The following NAF1 variants were observed in gnomAD, a reference collection of about 807,000 sequenced individuals.
NAF1 encodes the protein H/ACA ribonucleoprotein complex non-core subunit NAF1.
NAF1 carries 11 observed loss-of-function variants against 40.6 expected under a neutral mutation model. The observed-to-expected ratio is 0.27, with a 90% CI of 0.17 to 0.45. NAF1 has a LOEUF of 0.45. NAF1 is among the 20% of genes least tolerant of loss of function. NAF1 has a pLI of 1.00. For synonymous variants in NAF1, 260 were observed against 228.5 expected (o/e 1.14, Z -1.24); for missense variants, 607 against 611.1 (o/e 0.99, Z 0.07).
chr4:163,138,137 T>C (rs1055285213), intron 5 of NAF1, among the ~76,000 whole-genome samples: 1 of 152,118 alleles, frequency 6.6e-6, no homozygotes, highest in African/African-American at 2.4e-5. Context: ...ATAAATGAGA[T>C]TCCCAGGAAT....
At chr4:163,145,028 T>C (rs1220611736) in intron 4 of NAF1, among the ~76,000 whole-genome samples, 1 of 152,200 alleles carries the variant, frequency 6.6e-6, no homozygotes, top group Non-Finnish European at 1.5e-5. Context: ...AGAACTGTAC[T>C]AGATACAATG....
chr4:163,137,253 G>A lies in NAF1; in HGVS notation c.879-3C>T, dbSNP rs770353562. On this transcript the variant is annotated splice_polypyrimidine_tract_variant and splice_region_variant and intron_variant, in intron 5 of 7. Transcript: ENST00000274054. ...ATGATGCATCTGATCCCTTATCCCT[G>A]AGTGGGGTGGGGATGGGAGTCAAAA... The A allele has an allele frequency of 1.9e-6, 3 of 1,606,004 alleles. No individual in the cohort carries two copies. The highest frequency in any genetic ancestry group is 2.2e-5 in the East Asian group (1 of 44,560).
intron 2 of NAF1, among the ~76,000 whole-genome samples, chr4:163,154,830 C>T (rs1731904581): frequency 6.6e-6 from 1 of 151,084 alleles, no homozygotes; most frequent in Admixed American, 6.6e-5. Context: ...GAGATCGCAC[C>T]ATTGCACTCC....
chr4:163,108,758 T>A (rs1359796747), downstream of NAF1: 5 of 152,206 alleles, frequency 3.3e-5, no homozygotes, highest in African/African-American at 1.2e-4. Context: ...CACTCTCTAA[T>A]GTATTCTATC....
Position 163,166,495 on chromosome 4 carries a change from G to A in NAF1, c.233C>T (p.Thr78Ile). The part of the protein sequence containing the change: ...QPVLNAVAAG[T>I]PAPQPQPPAE... ...CGGTGGCTGTGGCTGCGGCGCCGGGGTCCCGGCCGCGACGGCGTTCAGAAC... is the reference window on the plus strand; with the variant it reads ...CGGTGGCTGTGGCTGCGGCGCCGGGATCCCGGCCGCGACGGCGTTCAGAAC... The change falls in exon 1 of 8, where the codon ACC (threonine) becomes ATC (isoleucine). Residue 78 changes from threonine (T) to isoleucine (I), a missense_variant. Thr to Ile is a moderately conservative substitution (Grantham distance 89, BLOSUM62 -1). Coordinates refer to ENST00000274054, the MANE Select transcript of NAF1 (RefSeq NM_138386.3). The A allele has an allele frequency of 6.3e-7, 1 of 1,599,140 alleles. No homozygotes were observed. Among genetic ancestry groups the A allele is most frequent in the Non-Finnish European group, 8.5e-7 (1 of 1,172,778 alleles).
intron 2 of NAF1, among the ~76,000 whole-genome samples, chr4:163,161,459 C>T (rs886788858): frequency 4.6e-5 from 7 of 150,902 alleles, no homozygotes; most frequent in African/African-American, 1.7e-4. Context: ...GCGACAAGAG[C>T]GAAACTCTGT....
At chr4:163,110,459 G>A (rs62333252) in intron 2 of NAF1, among the ~76,000 whole-genome samples, 55,279 of 151,900 alleles carry the variant, frequency 0.36, 11,286 homozygotes, top group East Asian at 0.63. Flanking sequence ...GTAAGTATAG[G>A]AAAAATCATG....
chr4:163,132,822 A>G (rs1730921793), intron 7 of NAF1, among the ~76,000 whole-genome samples: 1 of 152,264 alleles, frequency 6.6e-6, no homozygotes, highest in African/African-American at 2.4e-5. Flanking sequence ...GGTAAAGGGA[A>G]TGCATGTTTA....
intron 2 of NAF1, among the ~76,000 whole-genome samples, chr4:163,160,637 G>A (rs947279173): frequency 6.6e-6 from 1 of 152,150 alleles, no homozygotes; most frequent in African/African-American, 2.4e-5. Context: ...AAGCATGCCT[G>A]AGTGACAATA....
chr4:163,137,050 C>A, intron 6 of NAF1, 149 bp downstream of exon 6: 1 of 834,268 alleles, frequency 1.2e-6, no homozygotes, highest in Non-Finnish European at 1.8e-6. Flanking sequence ...TCATCTAGGA[C>A]GGTGAGAGAA....
At chr4:163,151,428 A>G (rs1319287345) in intron 2 of NAF1, among the ~76,000 whole-genome samples, 1 of 151,880 alleles carries the variant, frequency 6.6e-6, no homozygotes, top group Non-Finnish European at 1.5e-5. Flanking sequence ...ATAAAAGTGC[A>G]GCAGTGATTG....
At chr4:163,138,371 T>C (rs1731135615) in intron 5 of NAF1, among the ~76,000 whole-genome samples, 1 of 152,126 alleles carries the variant, frequency 6.6e-6, no homozygotes, top group African/African-American at 2.4e-5. Context: ...CATCTCATGA[T>C]CTGGACTGCT....
chr4:163,104,970 C>T, the NAF1 span, among the ~76,000 whole-genome samples: 1 of 152,158 alleles, frequency 6.6e-6, no homozygotes, highest in Non-Finnish European at 1.5e-5. Context: ...CAAAACCAGT[C>T]GTTGAAATTT....
At chr4:163,108,618 A>C (rs1405264547), downstream of NAF1, among the ~76,000 whole-genome samples, 1 of 152,246 alleles carries the variant, frequency 6.6e-6, no homozygotes, top group Non-Finnish European at 1.5e-5. Context: ...AATCTTTACA[A>C]TTAAAATAAA....
intron 4 of NAF1, 86 bp from the exon 5 acceptor site, chr4:163,140,469 A>C: frequency 8.5e-7 from 1 of 1,172,392 alleles, no homozygotes; most frequent in Non-Finnish European, 1.2e-6. Flanking sequence ...AATCCCACTG[A>C]TAATTGCCAG....
At chr4:163,106,165 CATA>C (rs1307866317), downstream of NAF1, among the ~76,000 whole-genome samples, 1 of 152,080 alleles carries the variant, frequency 6.6e-6, no homozygotes, top group East Asian at 1.9e-4. Flanking sequence ...CAAACAAAGA[CATA>C]ATATTAACCT....
intron 2 of NAF1, among the ~76,000 whole-genome samples, chr4:163,151,100 A>T (rs1175022787): frequency 6.6e-6 from 1 of 150,612 alleles, no homozygotes; most frequent in Non-Finnish European, 1.5e-5. Flanking sequence ...ATCTTTTATT[A>T]ATTTATAAAA....
chr4:163,145,730 A>T (rs1347060430), intron 4 of NAF1, 52 bp downstream of exon 4: 5 of 1,232,140 alleles, frequency 4.1e-6, no homozygotes, highest in Non-Finnish European at 5.7e-6. Flanking sequence ...AAAGTCAGAA[A>T]AAAACAATAA....
chr4:163,127,895 T>C (rs1355970992), downstream of NAF1, among the ~76,000 whole-genome samples: 1 of 152,168 alleles, frequency 6.6e-6, no homozygotes, highest in Non-Finnish European at 1.5e-5. Flanking sequence ...TAGTGGAAAC[T>C]GCTAATAAGA....
Sources: allele counts gnomAD v4.1 joint callset (sites outside exome capture counted in the v4.1 genomes callset), GRCh38; gene constraint gnomAD v4.1.1; transcripts MANE v1.5; gene names NCBI Gene and HGNC (gene_info 2026-07-23, HGNC 2026-07-21).